Variants in ASB15 observed in about 807,000 individuals in gnomAD.
The protein encoded by ASB15 is ankyrin repeat and SOCS box protein 15.
ASB15 carries 54 observed loss-of-function variants against 58.0 expected under a neutral mutation model. The ratio of observed to expected loss-of-function variants is 0.93; its 90% confidence interval spans 0.75 to 1.17. The LOEUF (loss-of-function observed/expected upper bound fraction) is 1.17. ASB15 is among the 50% of genes most tolerant of loss of function. The pLI is 0.00. For missense variants in ASB15, 680 were observed against 707.4 expected, an observed-to-expected ratio of 0.96 and a Z score of 0.44; for synonymous variants, 249 against 262.4, an observed-to-expected ratio of 0.95 and a Z score of 0.50.
At chr7:123,604,916 C>T (rs1414010428) in intron 2 of ASB15, among the ~76,000 whole-genome samples, 1 of 152,116 alleles carries the variant, frequency 6.6e-6, no homozygotes, top group Admixed American at 6.5e-5. Flanking sequence ...ACTTGTGACA[C>T]GTCAGACACA....
intron 1 of ASB15, among the ~76,000 whole-genome samples, chr7:123,568,747 T>C (rs143801309): frequency 1.1e-4 from 16 of 152,046 alleles, no homozygotes; most frequent in Non-Finnish European, 1.8e-4. Context: ...GCATTATTAA[T>C]GTAAATGGTG....
Position 123,624,633 on chromosome 7 carries a change from G to A in ASB15, c.516G>A (p.Gln172=). ...TCAAACATAACACTAGCCTAGACCA[G>A]CCCTGTGTCAAGCGATGGTCAGCAA... is the stretch of plus-strand genomic sequence containing the variant. ...TLIKHNTSLD[Q]PCVKRWSAMH... Residue 172 remains glutamine (Q), a synonymous_variant, in exon 8 of 12, where the codon CAG becomes CAA. Transcript: ENST00000451215. 1 of 1,613,898 alleles carries A rather than the reference G, an allele frequency of 6.2e-7. No homozygotes were observed. Among genetic ancestry groups the A allele is most frequent in the Non-Finnish European group, 8.5e-7 (1 of 1,179,804 alleles).
intron 1 of ASB15, among the ~76,000 whole-genome samples, chr7:123,583,309 C>T (rs902898941): frequency 6.6e-6 from 1 of 151,824 alleles, no homozygotes; most frequent in African/African-American, 2.4e-5. Context: ...ATTTTTGGGC[C>T]TAATTTCAAC....
rs553837954 is a variant in ASB15, at chr7:123,576,622, G to A, written c.-443+9534G>A. The stretch of plus-strand genomic sequence containing the variant: ...ATTCTCTGTGTAGCTCCACATCCTC[G>A]GCTTCTCTGAGCCAAATTAGATCCA... On this transcript the variant is annotated intron_variant, in intron 1 of 13. Transcript: ENST00000451558. Among the ~76,000 whole-genome samples, 8 of 152,058 alleles carry A rather than the reference G, an allele frequency of 5.3e-5. 1 individual carries two copies. Among genetic ancestry groups the A allele is most frequent in the South Asian group, 4.1e-4 (2 of 4,822 alleles).
chr7:123,586,972 C>A (rs1302301660), intron 1 of ASB15, among the ~76,000 whole-genome samples: 1 of 151,540 alleles, frequency 6.6e-6, no homozygotes, highest in East Asian at 1.9e-4. Flanking sequence ...AATTTGAAAT[C>A]TTTGTATTAT....
intron 1 of ASB15, among the ~76,000 whole-genome samples, chr7:123,575,724 T>A (rs959448816): frequency 1.3e-5 from 2 of 152,016 alleles, no homozygotes; most frequent in Non-Finnish European, 2.9e-5. Flanking sequence ...TACTTAATTA[T>A]CTTGTAAGTG....
At chr7:123,616,995 T>A (rs1442950812) in intron 6 of ASB15, among the ~76,000 whole-genome samples, 1 of 152,162 alleles carries the variant, frequency 6.6e-6, no homozygotes, top group Non-Finnish European at 1.5e-5. Flanking sequence ...ATATTAACAG[T>A]AACTTTTATG....
chr7:123,636,969 A>G lies in ASB15; in HGVS notation c.1755A>G (p.Leu585=). 6.6e-7 allele frequency: 1 copy of G among 1,523,128 alleles called. No individual in the cohort carries two copies. The highest frequency in any genetic ancestry group is 9.0e-7 in the Non-Finnish European group (1 of 1,112,280). 94.4% of individuals were successfully genotyped at this position (1,523,128 alleles called of 1,614,324 possible). ...AGTATGATCTCTATGGACAAGAGCTAAAATTGACATAACTTAATATTTTAA... is the reference window on the plus strand; with the variant it reads ...AGTATGATCTCTATGGACAAGAGCTGAAATTGACATAACTTAATATTTTAA... ...FKEYDLYGQE[L]KLT The change falls in exon 12 of 12, where the codon CTA becomes CTG. Residue 585 remains leucine (L), a synonymous_variant. Coordinates refer to ENST00000451215, the MANE Select transcript of ASB15 (RefSeq NM_001290258.2).
At chr7:123,616,691 C>T (rs1156450707) in intron 6 of ASB15, among the ~76,000 whole-genome samples, 196 bp downstream of exon 6, 2 of 152,010 alleles carry the variant, frequency 1.3e-5, no homozygotes, top group South Asian at 2.1e-4. Flanking sequence ...TGGGGGTTTA[C>T]CTTTTGCATC....
rs1802477089 is a variant in ASB15, at chr7:123,637,351, A to G, written c.*370A>G. On this transcript the variant is annotated 3_prime_UTR_variant, in exon 12 of 12. Transcript: ENST00000451215. ...CTGTCTTTCACGGTCTTGCTGTGTAAAAGAGCTCCTCCTGCCTGTAAGTTC... is the reference window on the plus strand; with the variant it reads ...CTGTCTTTCACGGTCTTGCTGTGTAGAAGAGCTCCTCCTGCCTGTAAGTTC... 6.3e-6 allele frequency: 1 copy of G among 159,762 alleles called. No homozygotes were observed. Among genetic ancestry groups the G allele is most frequent in the Admixed American group, 6.3e-5 (1 of 15,818 alleles). 9.9% of individuals were successfully genotyped at this position (159,762 alleles called of 1,614,324 possible).
chr7:123,636,571 C>T (rs575390425), intron 11 of ASB15, among the ~76,000 whole-genome samples: 1 of 152,274 alleles, frequency 6.6e-6, no homozygotes, highest in Non-Finnish European at 1.5e-5. Flanking sequence ...TACCATGAGC[C>T]AGACTCTCTT....
At chr7:123,593,854 G>T (rs1353885478) in intron 1 of ASB15, among the ~76,000 whole-genome samples, 1 of 152,130 alleles carries the variant, frequency 6.6e-6, no homozygotes, top group Non-Finnish European at 1.5e-5. Flanking sequence ...AGTTCTCCTG[G>T]ATAATAGCCT....
intron 2 of ASB15, among the ~76,000 whole-genome samples, chr7:123,604,739 A>G (rs1444252568): frequency 3.3e-5 from 5 of 152,122 alleles, no homozygotes; most frequent in Admixed American, 2.6e-4. Flanking sequence ...AACTCTGAAA[A>G]TTGGTGATTC....
At chr7:123,633,596 T>C (rs1435386829) in intron 11 of ASB15, among the ~76,000 whole-genome samples, 4 of 151,182 alleles carry the variant, frequency 2.6e-5, no homozygotes, top group Non-Finnish European at 2.9e-5. Flanking sequence ...AGCATCTGTG[T>C]GCATGTGGAT....
chr7:123,575,299 C>G (rs1335690356), intron 1 of ASB15, among the ~76,000 whole-genome samples: 1 of 151,992 alleles, frequency 6.6e-6, no homozygotes, highest in Non-Finnish European at 1.5e-5. Flanking sequence ...CTTTGCATAT[C>G]CTCTTCCATT....
rs930674255 is a variant in ASB15 at position 123,588,573 on chromosome 7, T to C, written c.-442-15459T>C. Among the ~76,000 whole-genome samples, 39 of 151,036 alleles carry C rather than the reference T, an allele frequency of 2.6e-4. 1 individual carries two copies. Among genetic ancestry groups the C allele is most frequent in the African/African-American group, 9.0e-4 (37 of 41,224 alleles). ...TTTCTTTCCTTCTTCCTTCCTTCCT[T>C]CCTCCCTTCCTTCCTTCCTTTCTGT... On this transcript the variant is annotated intron_variant, in intron 1 of 13. Coordinates refer to the ASB15 transcript ENST00000451558.
At chr7:123,576,782 C>G (rs1421461519) in intron 1 of ASB15, among the ~76,000 whole-genome samples, 1 of 152,172 alleles carries the variant, frequency 6.6e-6, no homozygotes, top group East Asian at 1.9e-4. Flanking sequence ...TGTGGCATGT[C>G]TAAGATCTGC....
intron 11 of ASB15, among the ~76,000 whole-genome samples, chr7:123,635,746 A>G (rs1802393514): frequency 1.3e-5 from 2 of 151,996 alleles, no homozygotes; most frequent in African/African-American, 4.8e-5. Flanking sequence ...GTGATTAACC[A>G]CTGGATGTCA....
At chr7:123,610,330 A>G (rs1315548845) in intron 3 of ASB15, among the ~76,000 whole-genome samples, 1 of 152,216 alleles carries the variant, frequency 6.6e-6, no homozygotes, top group Admixed American at 6.5e-5. Flanking sequence ...ACAAGGTAAT[A>G]TATGCAAAAT....
Sources: allele counts gnomAD v4.1 joint callset (sites outside exome capture counted in the v4.1 genomes callset), GRCh38; gene constraint gnomAD v4.1.1; transcripts MANE v1.5; gene names NCBI Gene and HGNC (gene_info 2026-07-23, HGNC 2026-07-21).